Variants in CRPPA observed in about 807,000 individuals in gnomAD.
CRPPA encodes CDP-L-ribitol pyrophosphorylase A.
In CRPPA, 43 loss-of-function variants were observed where a neutral mutation model predicts 52.0. The ratio of observed to expected loss-of-function variants is 0.83; its 90% confidence interval spans 0.65 to 1.07. The LOEUF is 1.07. Among genes scored for constraint, CRPPA ranks in the 50% least tolerant of loss-of-function variants. The pLI is 0.00. For missense variants in CRPPA, 629 were observed against 551.7 expected, an observed-to-expected ratio of 1.14 and a Z score of -1.40; for synonymous variants, 250 against 203.5, an observed-to-expected ratio of 1.23 and a Z score of -1.94.
intron 8 of CRPPA, among the ~76,000 whole-genome samples, chr7:16,243,544 A>G (rs1344997554): frequency 6.6e-6 from 1 of 152,202 alleles, no homozygotes; most frequent in Non-Finnish European, 1.5e-5. Context: ...AAAGAAGACT[A>G]CATGAAACAT....
intron 1 of CRPPA, among the ~76,000 whole-genome samples, chr7:16,420,443 AT>A (rs1788298426): frequency 6.6e-6 from 1 of 151,910 alleles, no homozygotes; most frequent in Non-Finnish European, 1.5e-5. Flanking sequence ...TCCTTATCCC[AT>A]TCCCTGTCTC....
chr7:16,406,186 G>C lies in CRPPA; in HGVS notation c.409C>G (p.Leu137Val), dbSNP rs769346091. 3 of 1,614,012 alleles carry C rather than the reference G, an allele frequency of 1.9e-6. No individual in the cohort carries two copies. Among genetic ancestry groups the C allele is most frequent in the Admixed American group, 3.3e-5 (2 of 60,014 alleles). ...HRSIFNGLKA[L>V]AEDQINSKLS... ...TTAGAGTTGATCTGATCTTCTGCCAGTGCTTTTAGTCCATTGAAAATTGAC... is the reference window on the plus strand; with the variant it reads ...TTAGAGTTGATCTGATCTTCTGCCACTGCTTTTAGTCCATTGAAAATTGAC... Residue 137 changes from leucine to valine, a missense_variant, in exon 2 of 10, where the codon CTG becomes GTG. By Grantham distance (32) the Leu-to-Val change is conservative (BLOSUM62 1). Coordinates refer to ENST00000407010, the MANE Select transcript of CRPPA (RefSeq NM_001101426.4).
intron 4 of CRPPA, among the ~76,000 whole-genome samples, chr7:16,301,741 T>C (rs1358327924): frequency 1.3e-5 from 2 of 152,166 alleles, no homozygotes; most frequent in South Asian, 4.1e-4. Flanking sequence ...TTAAAGAAAA[T>C]GTGGTAGCAT....
intron 8 of CRPPA, among the ~76,000 whole-genome samples, chr7:16,222,550 G>A (rs189786480): frequency 2.6e-5 from 4 of 151,736 alleles, no homozygotes; most frequent in African/African-American, 7.3e-5. Context: ...CAACTTAATC[G>A]TAATTTTTAA....
At position 16,172,801 on chromosome 7, in the gene CRPPA, A is replaced by G. The variant is rs1781217982; in HGVS notation, c.1251+43265T>C. Among the ~76,000 whole-genome samples, 2 of 152,180 alleles carry G rather than the reference A, an allele frequency of 1.3e-5. 1 individual carries two copies. The highest frequency in any genetic ancestry group is 4.8e-5 in the African/African-American group (2 of 41,442). On this transcript the variant is annotated intron_variant, in intron 9 of 9. Coordinates refer to ENST00000407010, the MANE Select transcript of CRPPA (RefSeq NM_001101426.4). The stretch of plus-strand genomic sequence containing the variant: ...CATGAGGGATCCTGGGGTGGGATAG[A>G]TCTTTTAAGAAAAATCAATTTAAGT...
intron 2 of CRPPA, among the ~76,000 whole-genome samples, chr7:16,377,811 A>G (rs923719426): frequency 1.4e-4 from 21 of 152,142 alleles, no homozygotes; most frequent in African/African-American, 4.8e-4. Flanking sequence ...AGCATTTCCT[A>G]TGCCCCTCAG....
chr7:16,229,315 T>C (rs540482552), intron 8 of CRPPA, among the ~76,000 whole-genome samples: 1 of 152,202 alleles, frequency 6.6e-6, no homozygotes, highest in South Asian at 2.1e-4. Context: ...ACTGCCATTT[T>C]TGTGCATTGT....
At chr7:16,271,354 C>A (rs1218989568) in intron 6 of CRPPA, among the ~76,000 whole-genome samples, 1 of 152,096 alleles carries the variant, frequency 6.6e-6, no homozygotes, top group Non-Finnish European at 1.5e-5. Flanking sequence ...GAGCAGCCAC[C>A]ATAATCTTCT....
intron 5 of CRPPA, among the ~76,000 whole-genome samples, chr7:16,289,586 A>G (rs1385260727): frequency 2.0e-5 from 3 of 152,174 alleles, no homozygotes; most frequent in African/African-American, 7.2e-5. Flanking sequence ...AAACCATATG[A>G]TCCTCTTAAT....
rs541989572 is a variant in CRPPA at position 16,112,795 on chromosome 7, C to G, written c.1252-20996G>C. Among the ~76,000 whole-genome samples the G allele has an allele frequency of 1.6e-4, 25 of 152,064 alleles. No individual in the cohort carries two copies. In the East Asian group the frequency reaches 3.1e-3, roughly 19 times the overall value. ...GGAGCAGGGAGAAGAATGGGAACTC[C>G]TTTATTCATTCAATGACTATATTTC... On this transcript the variant is annotated intron_variant, in intron 9 of 9. Transcript: ENST00000407010.
chr7:16,117,008 G>A (rs994156500), intron 9 of CRPPA, among the ~76,000 whole-genome samples: 1 of 152,102 alleles, frequency 6.6e-6, no homozygotes, highest in South Asian at 2.1e-4. Context: ...TGAAAACCAG[G>A]CCCTGCTGCT....
chr7:16,277,525 A>G (rs538045147), intron 6 of CRPPA, among the ~76,000 whole-genome samples: 2 of 152,336 alleles, frequency 1.3e-5, no homozygotes, highest in African/African-American at 4.8e-5. Context: ...ATTAAAATGT[A>G]CAAAAATAAG....
intron 4 of CRPPA, among the ~76,000 whole-genome samples, chr7:16,303,477 T>TAAAGAAAAAAAAAAA (rs1784832086): frequency 2.2e-5 from 1 of 44,970 alleles, no homozygotes; most frequent in East Asian, 1.1e-3. Flanking sequence ...CATAAAATAG[T>TAAAGAAAAAAAAAAA]AAAAAAAAAA....
chr7:16,143,254 A>T (rs1432364966), intron 9 of CRPPA, among the ~76,000 whole-genome samples: 1 of 152,150 alleles, frequency 6.6e-6, no homozygotes, highest in African/African-American at 2.4e-5. Context: ...AAGAGATGAG[A>T]CCATATGTTT....
chr7:16,410,791 A>AC (rs1461448296), intron 1 of CRPPA, among the ~76,000 whole-genome samples: 1 of 151,530 alleles, frequency 6.6e-6, no homozygotes, highest in African/African-American at 2.4e-5. Context: ...GCCTCTCAAC[A>AC]CTGTCCCCAT....
At chr7:16,095,137 T>G (rs902988657) in intron 9 of CRPPA, among the ~76,000 whole-genome samples, 1 of 152,162 alleles carries the variant, frequency 6.6e-6, no homozygotes, top group Non-Finnish European at 1.5e-5. Flanking sequence ...CATACTCCTT[T>G]CAAAAAGATA....
chr7:16,205,447 C>A (rs929736843), intron 9 of CRPPA, among the ~76,000 whole-genome samples: 5 of 152,074 alleles, frequency 3.3e-5, no homozygotes, highest in Admixed American at 6.6e-5. Flanking sequence ...AAAAATTACA[C>A]CCCCCACACC....
intron 9 of CRPPA, among the ~76,000 whole-genome samples, chr7:16,141,053 C>T (rs1156779777): frequency 3.3e-5 from 5 of 152,138 alleles, no homozygotes; most frequent in African/African-American, 1.2e-4. Context: ...CCTGTGTCTT[C>T]TTCTTTCCAT....
At position 16,149,654 on chromosome 7, in the gene CRPPA, A is replaced by G. The variant is rs142880646; in HGVS notation, c.1252-57855T>C. Among the ~76,000 whole-genome samples, 267 of 152,334 alleles carry G rather than the reference A, an allele frequency of 1.8e-3. 2 individuals are homozygous for G. Among genetic ancestry groups the G allele is most frequent in the African/African-American group, 6.2e-3 (257 of 41,588 alleles). On this transcript the variant is annotated intron_variant, in intron 9 of 9. Coordinates refer to ENST00000407010, the MANE Select transcript of CRPPA (RefSeq NM_001101426.4). ...AAGGTAACTAGCAAGTTGATTCATA[A>G]AAATTACAGTTAAGTTCTAATTACG...
Sources: gnomAD v4.1 joint callset for allele counts (sites outside exome capture counted in the v4.1 genomes callset) on GRCh38, gnomAD v4.1.1 for gene constraint, MANE v1.5 for transcripts, NCBI Gene and HGNC (gene_info 2026-07-23, HGNC 2026-07-21) for gene names.